Variants in IL19 observed in about 807,000 individuals in gnomAD.
IL19 encodes interleukin-19.
Under a neutral mutation model 19.5 loss-of-function variants are expected in IL19, and 15 were observed. The ratio of observed to expected loss-of-function variants is 0.77; its 90% CI spans 0.52 to 1.19. The LOEUF (loss-of-function observed/expected upper bound fraction) is 1.19, where lower values mean the gene tolerates loss of function less well. Ranked by LOEUF, IL19 falls within the 50% of genes most tolerant of loss-of-function variation. The probability of loss-of-function intolerance (pLI) is 0.00; values close to 1 mark genes in which losing one functional copy is unlikely to be tolerated. For synonymous variants in IL19, 78 were observed against 78.3 expected (o/e 1.00, Z 0.02); for missense variants, 199 against 213.1 (o/e 0.93, Z 0.41).
intron 2 of IL19, among the ~76,000 whole-genome samples, chr1:206,824,471 T>C (rs1050858351): frequency 1.3e-5 from 2 of 152,258 alleles, no homozygotes; most frequent in African/African-American, 4.8e-5. Flanking sequence ...GTTAAGTTTA[T>C]GTTTCTTGCA....
intron 2 of IL19, among the ~76,000 whole-genome samples, chr1:206,813,174 T>G (rs1046050068): frequency 6.6e-6 from 1 of 152,228 alleles, no homozygotes; most frequent in African/African-American, 2.4e-5. Context: ...TAGTCTGCTT[T>G]GTGATCCTAG....
intron 2 of IL19, among the ~76,000 whole-genome samples, chr1:206,808,238 C>T (rs770515200): frequency 1.3e-5 from 2 of 152,090 alleles, no homozygotes; most frequent in Non-Finnish European, 2.9e-5. Context: ...GGCTGAGGCA[C>T]GAAAATCACT....
Position 206,833,855 on chromosome 1 carries a change from C to T in IL19, c.-2-2806C>T, listed in dbSNP as rs1676693621. The T allele has an allele frequency of 3.0e-6, 3 of 985,232 alleles. No individual in the cohort carries two copies. In the South Asian group the frequency reaches 1.4e-4, roughly 46 times the overall value. 61.0% of individuals were successfully genotyped at this position (985,232 alleles called of 1,614,324 possible). A position where few individuals can be genotyped will look rare whatever the true frequency, so the allele number is the denominator to read the frequency against. On this transcript the variant is annotated intron_variant, in intron 2 of 6. Transcript: ENST00000659997. ...CCTCATGAAGTTCAACAAAATGATGCAGGTAAAGCAGTTAGCTAGCACCTG... is the reference window on the plus strand; with the variant it reads ...CCTCATGAAGTTCAACAAAATGATGTAGGTAAAGCAGTTAGCTAGCACCTG...
chr1:206,777,100 A>G (rs1437777608), intron 1 of IL19, among the ~76,000 whole-genome samples: 6 of 151,430 alleles, frequency 4.0e-5, no homozygotes, highest in Middle Eastern at 3.4e-3. Context: ...GCGTGGTGGC[A>G]GGTGCCTGTA....
intron 1 of IL19, among the ~76,000 whole-genome samples, chr1:206,773,178 T>C (rs1198128182): frequency 6.6e-6 from 1 of 152,118 alleles, no homozygotes; most frequent in Non-Finnish European, 1.5e-5. Context: ...TTGGGGGAAG[T>C]GGGTAAGAGT....
At chr1:206,802,119 T>C (rs1202843821) in intron 2 of IL19, among the ~76,000 whole-genome samples, 1 of 152,176 alleles carries the variant, frequency 6.6e-6, no homozygotes, top group Non-Finnish European at 1.5e-5. Flanking sequence ...ACCAGGCCTT[T>C]GCAGAAACTT....
rs772231902 is a variant in IL19 at position 206,771,041 on chromosome 1, C to A, written c.-186C>A. 3 of 1,614,142 alleles carry A rather than the reference C, an allele frequency of 1.9e-6. No individual in the cohort carries two copies. The highest frequency in any genetic ancestry group is 2.5e-6 in the Non-Finnish European group (3 of 1,180,016). On this transcript the variant is annotated 5_prime_UTR_variant, in exon 1 of 7. Coordinates refer to ENST00000659997, the MANE Select transcript of IL19 (RefSeq NM_153758.5). ...TAAAACTGGATCATCTCAGACAAGG[C>A]TTGGCAACCCAGGTAACCCTAAGGG...
chr1:206,834,021 T>C, intron 2 of IL19: 1 of 985,476 alleles, frequency 1.0e-6, no homozygotes, highest in African/African-American at 1.7e-5. Context: ...GCCTGCAGGG[T>C]ACACTTGGTA....
intron 2 of IL19, among the ~76,000 whole-genome samples, chr1:206,826,113 G>A (rs1676428116): frequency 2.0e-5 from 3 of 152,192 alleles, no homozygotes; most frequent in South Asian, 2.1e-4. Context: ...AGTGAACAGA[G>A]TTCAAAATAA....
chr1:206,797,728 C>T lies in IL19; in HGVS notation c.-148-1133C>T, dbSNP rs1255171902. On this transcript the variant is annotated intron_variant, in intron 1 of 6. Transcript: ENST00000659997. ...TGGCCAAAGGAGGACAGCAGCTGGC[C>T]ATTTCAGACTATGTCCCCACAGGGA... Among the ~76,000 whole-genome samples, 3 of 152,168 alleles carry T rather than the reference C, an allele frequency of 2.0e-5. No homozygotes were observed. In the East Asian group the frequency reaches 5.8e-4, roughly 29 times the overall value.
chr1:206,785,200 C>A (rs1322929131), intron 1 of IL19, among the ~76,000 whole-genome samples: 1 of 152,132 alleles, frequency 6.6e-6, no homozygotes, highest in Non-Finnish European at 1.5e-5. Flanking sequence ...TTCTTGGATC[C>A]TTGAAGGAGG....
At chr1:206,827,347 T>C (rs1487196446) in intron 2 of IL19, among the ~76,000 whole-genome samples, 1 of 152,186 alleles carries the variant, frequency 6.6e-6, no homozygotes, top group Non-Finnish European at 1.5e-5. Context: ...AGTATTTACT[T>C]TTGTCTCTAA....
intron 2 of IL19, among the ~76,000 whole-genome samples, chr1:206,804,945 T>G (rs1331736327): frequency 1.3e-5 from 2 of 152,246 alleles, no homozygotes; most frequent in Admixed American, 6.5e-5. Flanking sequence ...CCTTCCTTTC[T>G]AAATCATACC....
At chr1:206,832,042 C>T (rs1676623678) in intron 2 of IL19, among the ~76,000 whole-genome samples, 1 of 152,258 alleles carries the variant, frequency 6.6e-6, no homozygotes, top group Non-Finnish European at 1.5e-5. Flanking sequence ...GGACTCCGAG[C>T]CAGGCAGCTC....
chr1:206,824,016 G>A (rs1033453419), intron 2 of IL19, among the ~76,000 whole-genome samples: 1 of 152,202 alleles, frequency 6.6e-6, no homozygotes, highest in African/African-American at 2.4e-5. Context: ...TCTCAACCTT[G>A]AATCTTTTGC....
intron 1 of IL19, chr1:206,772,192 G>A: frequency 7.8e-7 from 1 of 1,278,870 alleles, no homozygotes; most frequent in South Asian, 1.2e-5. Flanking sequence ...CGCAGGAGGA[G>A]GGTTCTTATA....
intron 1 of IL19, among the ~76,000 whole-genome samples, chr1:206,795,925 ATATGTGTG>A (rs367705441): frequency 0.066 from 8,795 of 132,300 alleles, 325 homozygotes; most frequent in Non-Finnish European, 0.084. Flanking sequence ...ATAAATATAT[ATATGTGTG>A]TGTGTGTGTG....
intron 2 of IL19, among the ~76,000 whole-genome samples, chr1:206,811,732 T>C (rs1676017978): frequency 6.6e-6 from 1 of 152,276 alleles, no homozygotes; most frequent in South Asian, 2.1e-4. Context: ...AATTCCTAGC[T>C]TGCCAACTAA....
intron 2 of IL19, among the ~76,000 whole-genome samples, chr1:206,804,569 A>G (rs1299914973): frequency 1.3e-5 from 2 of 152,136 alleles, no homozygotes; most frequent in Non-Finnish European, 1.5e-5. Flanking sequence ...ACAAGCTTTT[A>G]TTGGTGTCAG....
Sources: allele counts gnomAD v4.1 joint callset (sites outside exome capture counted in the v4.1 genomes callset), GRCh38; gene constraint gnomAD v4.1.1; transcripts MANE v1.5; gene names NCBI Gene and HGNC (gene_info 2026-07-23, HGNC 2026-07-21).